MIAT: variants seen among roughly 807,000 people sequenced by gnomAD.
The protein encoded by MIAT is MI related novel mRNA.
intron 3 of MIAT, among the ~76,000 whole-genome samples, chr22:26,665,247 A>AAAAGAAAGAAAG (rs10529015): frequency 0.086 from 12,455 of 144,104 alleles, 594 homozygotes; most frequent in East Asian, 0.099. Context: ...TCTCCAGAAA[A>AAAAGAAAGAAAG]AAAGAAAGAA....
chr22:26,675,389 C>T (rs2146024127), exon 5 of MIAT: 8 of 398,582 alleles, frequency 2.0e-5, no homozygotes, highest in Non-Finnish European at 8.8e-6. Context: ...CCTTGGGGAG[C>T]GACGGATATG....
chr22:26,676,391 G>A (rs377311373), exon 5 of MIAT: 47 of 398,508 alleles, frequency 1.2e-4, no homozygotes, highest in African/African-American at 6.4e-4. Flanking sequence ...ACAAAGGAGC[G>A]TCACTTGGAT....
At chr22:26,669,110 GC>G (rs1930956486) in exon 6 of MIAT, 4 of 398,678 alleles carry the variant, frequency 1.0e-5, no homozygotes, top group Admixed American at 4.4e-5. Context: ...ACAGAAGGTG[GC>G]AGGACAGGCC....
At chr22:26,664,838 GA>G (rs972400337) in intron 3 of MIAT, among the ~76,000 whole-genome samples, 1 of 152,170 alleles carries the variant, frequency 6.6e-6, no homozygotes, top group Non-Finnish European at 1.5e-5. Flanking sequence ...TATATTTCTG[GA>G]ACATAAATAT....
At chr22:26,661,476 A>G (rs1430444108) in intron 2 of MIAT, among the ~76,000 whole-genome samples, 1 of 152,076 alleles carries the variant, frequency 6.6e-6, no homozygotes, top group African/African-American at 2.4e-5. Context: ...GGTGTGGAGT[A>G]GATGATGAGT....
chr22:26,651,204 C>G (rs1316732004), intron 2 of MIAT, among the ~76,000 whole-genome samples: 7 of 152,230 alleles, frequency 4.6e-5, no homozygotes, highest in Admixed American at 4.6e-4. Flanking sequence ...CAGGGAGCCC[C>G]ATGCTCACCA....
chr22:26,674,257 G>A (rs1381721285), downstream of MIAT: 1 of 398,532 alleles, frequency 2.5e-6, no homozygotes, highest in Non-Finnish European at 4.4e-6. Context: ...GCTGCACCGA[G>A]GAAACGGGAG....
chr22:26,665,858 C>T (rs1246165663), exon 4 of MIAT: 5 of 398,524 alleles, frequency 1.3e-5, no homozygotes, highest in African/African-American at 1.0e-4. Context: ...ACATTACCGT[C>T]TGGAACTTTT....
chr22:26,663,951 T>C (rs1473788059), intron 3 of MIAT, among the ~76,000 whole-genome samples: 3 of 78,400 alleles, frequency 3.8e-5, no homozygotes, highest in Admixed American at 2.6e-4. Context: ...CAGAAGTAGA[T>C]TGGATTCTTT....
chr22:26,650,998 C>G (rs1930327031), intron 2 of MIAT, among the ~76,000 whole-genome samples: 2 of 151,920 alleles, frequency 1.3e-5, no homozygotes, highest in Non-Finnish European at 2.9e-5. Flanking sequence ...GTGGGTAAAG[C>G]ACTTGGAAAG....
intron 2 of MIAT, among the ~76,000 whole-genome samples, chr22:26,655,415 C>A (rs1395928570): frequency 1.3e-5 from 2 of 152,150 alleles, no homozygotes; most frequent in Non-Finnish European, 2.9e-5. Context: ...CCTCTCTGAG[C>A]CTCTTTATGT....
At chr22:26,659,477 C>T (rs976250101) in intron 2 of MIAT, among the ~76,000 whole-genome samples, 1 of 152,098 alleles carries the variant, frequency 6.6e-6, no homozygotes, top group Non-Finnish European at 1.5e-5. Context: ...TCTTCACAGT[C>T]CCCCAAAACA....
downstream of MIAT, chr22:26,670,056 A>ATTTTTTT (rs35523695): frequency 7.8e-6 from 3 of 386,268 alleles, no homozygotes; most frequent in Non-Finnish European, 1.3e-5. Context: ...GGGTTTATCT[A>ATTTTTTT]TTTTTTTTTT....
intron 2 of MIAT, among the ~76,000 whole-genome samples, chr22:26,661,689 CAT>C (rs1386856020): frequency 1.3e-5 from 2 of 151,872 alleles, no homozygotes; most frequent in African/African-American, 4.8e-5. Context: ...GACTCTGAAA[CAT>C]GTGTTTGTAA....
At chr22:26,648,089 G>A (rs547025274) in intron 2 of MIAT, among the ~76,000 whole-genome samples, 3 of 152,154 alleles carry the variant, frequency 2.0e-5, no homozygotes, top group South Asian at 4.1e-4. Context: ...GGGGAGGAGG[G>A]AAGGCAGCCG....
chr22:26,675,133 G>A (rs907059785), exon 5 of MIAT: 3 of 398,826 alleles, frequency 7.5e-6, no homozygotes, highest in Non-Finnish European at 1.3e-5. Context: ...GTGGAATGGG[G>A]ACAGAGAGAC....
chr22:26,648,915 G>C (rs1462770191), intron 2 of MIAT, among the ~76,000 whole-genome samples: 2 of 133,446 alleles, frequency 1.5e-5, no homozygotes, highest in Non-Finnish European at 3.1e-5. Flanking sequence ...GAGAGGGAGA[G>C]AGCGAGAGAG....
chr22:26,648,331 A>C lies in MIAT; in HGVS notation n.646+1020A>C, dbSNP rs181657530. 3.3e-3 allele frequency among the ~76,000 whole-genome samples: 502 copies of C among 152,312 alleles called. 1 individual carries two copies. Among genetic ancestry groups the C allele is most frequent in the African/African-American group, 0.011 (461 of 41,566 alleles). ...GACACAAAAGGCCAGACAAAGAAGC[A>C]GCAGGGATGGAGACACGGCCCTGCA... is the stretch of plus-strand genomic sequence containing the variant. On this transcript the variant is annotated intron_variant and non_coding_transcript_variant, in intron 2 of 5. Transcript: ENST00000643270.
Position 26,675,742 on chromosome 22 carries a change from A to G in MIAT, n.9410A>G, listed in dbSNP as rs1931238661. On this transcript the variant is annotated non_coding_transcript_exon_variant, in exon 5 of 5. Transcript: ENST00000613780. ...CACAGTCATAGGCTGCAAGTCTATA[A>G]GATAATTCCATTGGGGAGGGAGCCC... 12 of 398,676 alleles carry G rather than the reference A, an allele frequency of 3.0e-5. No individual in the cohort carries two copies. In the South Asian group the frequency reaches 1.5e-3, roughly 51 times the overall value. The allele number at this position is 398,676 out of a possible 1,614,324, so 24.7% of individuals were successfully genotyped here.
Sources: allele counts gnomAD v4.1 joint callset (sites outside exome capture counted in the v4.1 genomes callset), GRCh38; gene constraint gnomAD v4.1.1; transcripts MANE v1.5; gene names NCBI Gene and HGNC (gene_info 2026-07-23, HGNC 2026-07-21).